The following NPAS2 variants were observed in gnomAD, a reference collection of about 807,000 sequenced individuals.
NPAS2 encodes the protein neuronal PAS domain-containing protein 2.
Under a neutral mutation model 107.5 loss-of-function variants are expected in NPAS2, and 23 were observed. The ratio of observed to expected loss-of-function variants is 0.21; its 90% confidence interval spans 0.15 to 0.30. NPAS2 has a LOEUF of 0.30. Ranked by LOEUF, NPAS2 falls within the 10% of genes least tolerant of loss-of-function variation. The pLI is 1.00. For synonymous variants in NPAS2, 403 were observed against 417.5 expected, an observed-to-expected ratio of 0.97 and a Z score of 0.42; for missense variants, 756 against 1,043.3, an observed-to-expected ratio of 0.72 and a Z score of 3.79.
intron 12 of NPAS2, among the ~76,000 whole-genome samples, chr2:100,973,343 G>A (rs528764153): frequency 1.3e-5 from 2 of 152,180 alleles, no homozygotes; most frequent in African/African-American, 2.4e-5. Flanking sequence ...GTGTGTGGAC[G>A]TGATGTGCAG....
intron 1 of NPAS2, among the ~76,000 whole-genome samples, chr2:100,899,680 A>T (rs1458261352): frequency 6.6e-6 from 1 of 152,130 alleles, no homozygotes; most frequent in Middle Eastern, 3.2e-3. Context: ...AATGCGGTTT[A>T]TTTTTTAATA....
chr2:100,909,096 T>C (rs1622168), intron 2 of NPAS2, among the ~76,000 whole-genome samples: 81,691 of 152,088 alleles, frequency 0.54, 22,815 homozygotes, highest in African/African-American at 0.65. Context: ...CTGGTCCCCC[T>C]GGGGTGGAGG....
At chr2:100,836,597 G>A (rs776926053) in intron 1 of NPAS2, among the ~76,000 whole-genome samples, 1 of 152,202 alleles carries the variant, frequency 6.6e-6, no homozygotes, top group African/African-American at 2.4e-5. Flanking sequence ...AGGAGTTAAC[G>A]ATTCAAGGGG....
At chr2:100,875,339 A>G (rs1679886592) in intron 1 of NPAS2, among the ~76,000 whole-genome samples, 1 of 152,246 alleles carries the variant, frequency 6.6e-6, no homozygotes, top group East Asian at 1.9e-4. Flanking sequence ...ATGGTTGCAC[A>G]ATAGTGCAAA....
chr2:100,953,549 C>T (rs1675372894), intron 7 of NPAS2, among the ~76,000 whole-genome samples: 2 of 152,108 alleles, frequency 1.3e-5, no homozygotes, highest in African/African-American at 4.8e-5. Flanking sequence ...GCTTTCTAAG[C>T]ACCCGGCCCA....
intron 1 of NPAS2, among the ~76,000 whole-genome samples, chr2:100,873,291 TATATATATATATATATAC>T (rs1679714765): frequency 2.4e-5 from 1 of 40,968 alleles, no homozygotes; most frequent in South Asian, 1.0e-3. Flanking sequence ...TATATATATA[TATATATATATATATATAC>T]ACACACACAC....
chr2:100,877,445 CA>C (rs72050213), intron 1 of NPAS2, among the ~76,000 whole-genome samples: 7,292 of 81,120 alleles, frequency 0.09, 402 homozygotes, highest in African/African-American at 0.28. Context: ...GACTCCGTCT[CA>C]AAAAAAAAAA....
At position 100,996,130 on chromosome 2, in the gene NPAS2, T is replaced by A. The variant is rs1678433210; in HGVS notation, c.*548T>A. ...GCACTTTCTGTTTTTTTTAAAAAAA[T>A]AATAAGGTCTCATGGCTTCATTTAG... On this transcript the variant is annotated 3_prime_UTR_variant, in exon 21 of 21. Transcript: ENST00000335681. 3 of 362,788 alleles carry A rather than the reference T, an allele frequency of 8.3e-6. No homozygotes were observed. Among genetic ancestry groups the A allele is most frequent in the Non-Finnish European group, 1.4e-5 (3 of 220,508 alleles). The allele number at this position is 362,788 out of a possible 1,614,324, so 22.5% of individuals were successfully genotyped here. A position where few individuals can be genotyped will look rare whatever the true frequency, so the allele number is the denominator to read the frequency against.
chr2:100,993,268 T>C (rs903674494), intron 19 of NPAS2, 79 bp from the exon 20 acceptor site: 17 of 1,369,972 alleles, frequency 1.2e-5, no homozygotes, highest in African/African-American at 2.9e-5. Flanking sequence ...ATTTGTTTTT[T>C]CTTTGTTGCT....
chr2:100,929,623 A>G (rs1558881527), intron 3 of NPAS2, among the ~76,000 whole-genome samples: 1 of 152,158 alleles, frequency 6.6e-6, no homozygotes, highest in Non-Finnish European at 1.5e-5. Flanking sequence ...GTTGACATCA[A>G]GTTGGTAGCT....
intron 2 of NPAS2, among the ~76,000 whole-genome samples, chr2:100,916,430 C>G (rs937182783): frequency 3.9e-5 from 6 of 151,912 alleles, no homozygotes; most frequent in African/African-American, 1.5e-4. Context: ...CAAACAAACA[C>G]TAATTAAAGA....
intron 2 of NPAS2, among the ~76,000 whole-genome samples, chr2:100,906,080 G>A (rs1274983525): frequency 1.3e-5 from 2 of 152,172 alleles, no homozygotes; most frequent in Non-Finnish European, 2.9e-5. Flanking sequence ...GGGACTCTTA[G>A]TACTCTTTAC....
At chr2:100,908,411 G>C (rs1211006180) in intron 2 of NPAS2, among the ~76,000 whole-genome samples, 1 of 152,046 alleles carries the variant, frequency 6.6e-6, no homozygotes, top group East Asian at 1.9e-4. Context: ...TTACAGTTGA[G>C]AAACCTGAGG....
chr2:100,969,260 G>T (rs60741004), intron 11 of NPAS2, among the ~76,000 whole-genome samples: 2,425 of 151,748 alleles, frequency 0.016, 65 homozygotes, highest in African/African-American at 0.054. Context: ...ATGTGCCATG[G>T]TGCATGGTGC....
chr2:100,988,029 G>A (rs1677874434), intron 16 of NPAS2, 50 bp from the exon 17 acceptor site: 2 of 1,595,416 alleles, frequency 1.3e-6, no homozygotes, highest in South Asian at 2.2e-5. Context: ...GTGCACACTG[G>A]TGAGGTACCC....
intron 1 of NPAS2, among the ~76,000 whole-genome samples, chr2:100,858,258 G>A (rs745321302): frequency 1.4e-4 from 21 of 152,234 alleles, no homozygotes; most frequent in Admixed American, 2.6e-4. Context: ...TTTTAAAACC[G>A]TGACCAGCAA....
chr2:100,880,374 C>T (rs570100926), intron 1 of NPAS2, among the ~76,000 whole-genome samples: 30 of 152,150 alleles, frequency 2.0e-4, no homozygotes, highest in Non-Finnish European at 3.4e-4. Flanking sequence ...AATATGGAAG[C>T]GACCCAAGCA....
chr2:100,950,203 A>G (rs1675139839), intron 7 of NPAS2, among the ~76,000 whole-genome samples: 1 of 152,226 alleles, frequency 6.6e-6, no homozygotes, highest in South Asian at 2.1e-4. Context: ...CATGGCCTGC[A>G]TTTTGTTTTC....
chr2:100,925,856 T>G (rs993335627), intron 3 of NPAS2, among the ~76,000 whole-genome samples: 2 of 151,974 alleles, frequency 1.3e-5, no homozygotes, highest in African/African-American at 2.4e-5. Flanking sequence ...GTCTTCAGTA[T>G]ATTCACAAGG....
Sources: allele counts gnomAD v4.1 joint callset (sites outside exome capture counted in the v4.1 genomes callset), GRCh38; gene constraint gnomAD v4.1.1; transcripts MANE v1.5; gene names NCBI Gene and HGNC (gene_info 2026-07-23, HGNC 2026-07-21).